FOXP1: variants seen among roughly 807,000 people sequenced by gnomAD.
FOXP1 encodes the protein forkhead box P1, also known as forkhead box protein P1.
A neutral mutation model predicts 98.2 loss-of-function variants in FOXP1; 15 were observed. The ratio of observed to expected loss-of-function variants is 0.15; its 90% CI spans 0.10 to 0.24. The LOEUF is 0.24. FOXP1 is among the 10% of genes least tolerant of loss of function. The probability of loss-of-function intolerance (pLI) is 1.00; values close to 1 mark genes in which losing one functional copy is unlikely to be tolerated. For synonymous variants in FOXP1, 371 were observed against 314.5 expected (o/e 1.18, Z -1.90); for missense variants, 633 against 848.5 (o/e 0.75, Z 3.15).
intron 2 of FOXP1, among the ~76,000 whole-genome samples, chr3:71,502,802 A>G (rs2041494645): frequency 1.3e-5 from 2 of 152,218 alleles, no homozygotes; most frequent in Non-Finnish European, 2.9e-5. Context: ...CTATTAATTG[A>G]TGACATCCAT....
chr3:71,564,546 G>A (rs2107756165), intron 2 of FOXP1, among the ~76,000 whole-genome samples: 1 of 152,342 alleles, frequency 6.6e-6, no homozygotes, highest in South Asian at 2.1e-4. Flanking sequence ...AAAAGTCTCT[G>A]GTTGGCCGAC....
chr3:71,200,097 A>AAAAAAAAAAAAAAAG (rs2063573881), intron 5 of FOXP1, among the ~76,000 whole-genome samples: 1 of 151,428 alleles, frequency 6.6e-6, no homozygotes, highest in Non-Finnish European at 1.5e-5. Context: ...AAAAAAAAAA[A>AAAAAAAAAAAAAAAG]AAAAAAAAGA....
chr3:71,099,164 G>A (rs1380114199), intron 7 of FOXP1, among the ~76,000 whole-genome samples: 2 of 152,178 alleles, frequency 1.3e-5, no homozygotes, highest in Non-Finnish European at 2.9e-5. Flanking sequence ...AAAATGGCCA[G>A]TACCTAGTGA....
At chr3:71,028,799 T>C (rs1009019359) in intron 11 of FOXP1, among the ~76,000 whole-genome samples, 7 of 152,198 alleles carry the variant, frequency 4.6e-5, no homozygotes, top group Non-Finnish European at 8.8e-5. Flanking sequence ...CCTACAAATA[T>C]AGACAGTCCC....
chr3:71,011,439 T>C (rs1205007265), intron 12 of FOXP1, among the ~76,000 whole-genome samples: 2 of 152,034 alleles, frequency 1.3e-5, no homozygotes, highest in Non-Finnish European at 2.9e-5. Flanking sequence ...AAACCTGTCC[T>C]CTTCAGTTCC....
At chr3:71,460,842 G>T (rs1245433619) in intron 3 of FOXP1, among the ~76,000 whole-genome samples, 1 of 152,180 alleles carries the variant, frequency 6.6e-6, no homozygotes, top group Non-Finnish European at 1.5e-5. Flanking sequence ...TGTAAGCTTA[G>T]CAAAATTTGA....
chr3:71,097,292 T>A (rs769569706), intron 7 of FOXP1, among the ~76,000 whole-genome samples: 38 of 152,196 alleles, frequency 2.5e-4, no homozygotes, highest in Admixed American at 4.6e-4. Context: ...TATACTTCAG[T>A]GTCCACAAAT....
At chr3:71,120,859 G>C (rs965642683) in intron 6 of FOXP1, among the ~76,000 whole-genome samples, 3 of 152,150 alleles carry the variant, frequency 2.0e-5, no homozygotes, top group Admixed American at 1.3e-4. Context: ...GCTACACGTA[G>C]GGTGGTTATC....
At chr3:71,574,755 T>C (rs2047599361) in intron 2 of FOXP1, among the ~76,000 whole-genome samples, 1 of 152,172 alleles carries the variant, frequency 6.6e-6, no homozygotes, top group South Asian at 2.1e-4. Context: ...TTGGGAAACA[T>C]GGATGCAGGC....
chr3:71,364,180 T>C (rs913451568), intron 3 of FOXP1, among the ~76,000 whole-genome samples: 2 of 152,206 alleles, frequency 1.3e-5, no homozygotes, highest in Admixed American at 6.5e-5. Flanking sequence ...CTTACCCAAA[T>C]ACATGGACCT....
At chr3:70,984,297 C>T (rs1027365930) in intron 14 of FOXP1, among the ~76,000 whole-genome samples, 1 of 152,160 alleles carries the variant, frequency 6.6e-6, no homozygotes, top group African/African-American at 2.4e-5. Flanking sequence ...TCAGAGGGAC[C>T]GATCTGGGCA....
intron 6 of FOXP1, among the ~76,000 whole-genome samples, chr3:71,147,072 A>C (rs995348908): frequency 5.9e-5 from 9 of 152,360 alleles, no homozygotes; most frequent in Admixed American, 5.9e-4. Flanking sequence ...CGTTTCAGCC[A>C]GCATCTGTGC....
At chr3:71,353,600 T>C (rs1174510274) in intron 4 of FOXP1, among the ~76,000 whole-genome samples, 4 of 152,218 alleles carry the variant, frequency 2.6e-5, no homozygotes, top group African/African-American at 7.2e-5. Flanking sequence ...TGTCCTTTTA[T>C]TGTTAAGTTG....
At chr3:71,041,226 A>T (rs1253835972) in intron 11 of FOXP1, 102 bp downstream of exon 11, 2 of 899,384 alleles carry the variant, frequency 2.2e-6, no homozygotes, top group African/African-American at 3.3e-5. Flanking sequence ...CATTCAAGTC[A>T]CATGGATCCA....
At chr3:71,413,351 A>G (rs1462910499) in intron 3 of FOXP1, among the ~76,000 whole-genome samples, 1 of 151,016 alleles carries the variant, frequency 6.6e-6, no homozygotes. Flanking sequence ...CATATGACAC[A>G]ATGCTGCGCT....
chr3:71,274,072 A>C (rs2070658739), intron 5 of FOXP1, among the ~76,000 whole-genome samples: 3 of 152,196 alleles, frequency 2.0e-5, no homozygotes, highest in Admixed American at 1.3e-4. Context: ...GAAATGAAGG[A>C]GCCCTCCCTT....
chr3:71,009,997 C>A (rs1312342909), intron 12 of FOXP1, among the ~76,000 whole-genome samples: 2 of 150,446 alleles, frequency 1.3e-5, no homozygotes, highest in African/African-American at 2.5e-5. Context: ...CTCAAGAAAT[C>A]CTTCCACCTT....
rs541689139 is a variant in FOXP1, at chr3:71,348,181, T to C, written c.-73+10969A>G. Among the ~76,000 whole-genome samples, 6 of 152,326 alleles carry C rather than the reference T, an allele frequency of 3.9e-5. No individual in the cohort carries two copies. The South Asian group carries it at 1.0e-3, about 26-fold the overall frequency. On this transcript the variant is annotated intron_variant, in intron 4 of 20. Transcript: ENST00000649528. ...TTATTTTCAGACCATCATTGACTGC[T>C]GGTAACTGAAATCACAGAAAGTGAA...
chr3:71,429,550 A>G (rs892189940), intron 3 of FOXP1, among the ~76,000 whole-genome samples: 2 of 152,046 alleles, frequency 1.3e-5, no homozygotes, highest in African/African-American at 4.8e-5. Context: ...GGCAGAAAAT[A>G]TTGAAATAGA....
Sources: allele counts gnomAD v4.1 joint callset (sites outside exome capture counted in the v4.1 genomes callset), GRCh38; gene constraint gnomAD v4.1.1; transcripts MANE v1.5; gene names NCBI Gene and HGNC (gene_info 2026-07-23, HGNC 2026-07-21).